The following PDGFC variants were observed in gnomAD, a reference collection of about 807,000 sequenced individuals.
PDGFC encodes the protein platelet-derived growth factor C.
In PDGFC, 12 loss-of-function variants were observed where a neutral mutation model predicts 35.5. The observed-to-expected ratio is 0.34, with a 90% CI of 0.22 to 0.55. PDGFC has a LOEUF of 0.55. Among genes scored for constraint, PDGFC ranks in the 20% least tolerant of loss-of-function variants. PDGFC has a pLI of 0.91. For synonymous variants in PDGFC, 159 were observed against 148.8 expected (o/e 1.07, Z -0.50); for missense variants, 322 against 412.4 (o/e 0.78, Z 1.90).
At chr4:156,834,768 C>A (rs1331598800) in intron 2 of PDGFC, among the ~76,000 whole-genome samples, 1 of 152,062 alleles carries the variant, frequency 6.6e-6, no homozygotes, top group African/African-American at 2.4e-5. Flanking sequence ...GGAAAAAAAT[C>A]TCTGGGCACT....
chr4:156,840,093 A>G (rs1043542446), intron 2 of PDGFC, among the ~76,000 whole-genome samples: 1 of 152,244 alleles, frequency 6.6e-6, no homozygotes, highest in African/African-American at 2.4e-5. Context: ...CAAGCCAGCT[A>G]CAGCAATTTG....
intron 1 of PDGFC, among the ~76,000 whole-genome samples, chr4:156,960,893 T>C (rs1214538678): frequency 1.3e-5 from 2 of 152,108 alleles, no homozygotes; most frequent in Non-Finnish European, 2.9e-5. Context: ...TAATCATTAC[T>C]GTGTTTTTCC....
At chr4:156,802,261 A>C (rs761781567) in intron 3 of PDGFC, among the ~76,000 whole-genome samples, 7 of 152,130 alleles carry the variant, frequency 4.6e-5, no homozygotes, top group Non-Finnish European at 8.8e-5. Context: ...TACACCCTTA[A>C]GGCCAAAGAA....
intron 1 of PDGFC, among the ~76,000 whole-genome samples, chr4:156,964,824 C>T (rs1470222461): frequency 2.0e-5 from 3 of 152,138 alleles, no homozygotes; most frequent in Non-Finnish European, 4.4e-5. Flanking sequence ...GTCTTTCCAA[C>T]TCTAACATTC....
chr4:156,971,736 C>T lies in PDGFC; in HGVS notation c.-833G>A, dbSNP rs567532692. ...GCGGGGCTCCGGTTGTTCCCCGTCC[C>T]CTCCCCCCACGCCTCGGGCTCCGCG... On this transcript the variant is annotated 5_prime_UTR_variant, in exon 1 of 6. Coordinates refer to ENST00000502773, the MANE Select transcript of PDGFC (RefSeq NM_016205.3). Among the ~76,000 whole-genome samples, 917 of 152,024 alleles carry T rather than the reference C, an allele frequency of 6.0e-3. 8 individuals carry two copies. The highest frequency in any genetic ancestry group is 0.014 in the Middle Eastern group (4 of 294).
intron 1 of PDGFC, among the ~76,000 whole-genome samples, chr4:156,904,102 A>G (rs1202513185): frequency 6.6e-6 from 1 of 152,138 alleles, no homozygotes; most frequent in African/African-American, 2.4e-5. Flanking sequence ...ATTACAGCAT[A>G]CAATTTACAG....
chr4:156,940,402 T>G (rs2110904962), intron 1 of PDGFC, among the ~76,000 whole-genome samples: 1 of 152,234 alleles, frequency 6.6e-6, no homozygotes, highest in South Asian at 2.1e-4. Context: ...TTTTATCTAT[T>G]TACTCAATAA....
intron 1 of PDGFC, among the ~76,000 whole-genome samples, chr4:156,915,614 G>T (rs1731140633): frequency 6.6e-6 from 1 of 152,056 alleles, no homozygotes; most frequent in African/African-American, 2.4e-5. Flanking sequence ...CCAACATTGT[G>T]AAAACTCATT....
At chr4:156,920,866 G>A (rs564625582) in intron 1 of PDGFC, among the ~76,000 whole-genome samples, 3 of 152,252 alleles carry the variant, frequency 2.0e-5, no homozygotes, top group Non-Finnish European at 2.9e-5. Flanking sequence ...CAACAATTTT[G>A]AATATGCCAA....
chr4:156,811,634 T>C (rs1344299921), intron 2 of PDGFC, among the ~76,000 whole-genome samples: 1 of 152,142 alleles, frequency 6.6e-6, no homozygotes, highest in African/African-American at 2.4e-5. Flanking sequence ...TCTTAGGCTG[T>C]TAATCCTTGA....
At chr4:156,969,037 C>T (rs1732529061) in intron 1 of PDGFC, among the ~76,000 whole-genome samples, 1 of 152,018 alleles carries the variant, frequency 6.6e-6, no homozygotes, top group Non-Finnish European at 1.5e-5. Context: ...AAGGAAAGGA[C>T]AAAGAGAAGC....
chr4:156,795,262 TA>T (rs1266628848), intron 3 of PDGFC, among the ~76,000 whole-genome samples: 1 of 152,136 alleles, frequency 6.6e-6, no homozygotes, highest in African/African-American at 2.4e-5. Flanking sequence ...TGAGTTACTA[TA>T]AAAAACTGCT....
At position 156,826,184 on chromosome 4, in the gene PDGFC, T is replaced by A. The variant is rs1368894116; in HGVS notation, c.315-15167A>T. Among the ~76,000 whole-genome samples, 5 of 99,290 alleles carry A rather than the reference T, an allele frequency of 5.0e-5. No individual in the cohort carries two copies. In the East Asian group the frequency reaches 1.5e-3, roughly 30 times the overall value. The allele number at this position is 99,290 out of a possible 152,430, so 65.1% of individuals were successfully genotyped here. Reference sequence around the variant, plus strand: ...CCAGCTTTGAGTTGGATTTTTTTTTTTTTTTTTTTTTTTTTTTTTTTTTTT... The same window carrying A: ...CCAGCTTTGAGTTGGATTTTTTTTTATTTTTTTTTTTTTTTTTTTTTTTTT... On this transcript the variant is annotated intron_variant, in intron 2 of 5. Transcript: ENST00000502773.
At chr4:156,886,864 G>A (rs1730388740) in intron 1 of PDGFC, 1 of 152,236 alleles carries the variant, frequency 6.6e-6, no homozygotes. Context: ...CTAACCTGGT[G>A]ATGATGCCAC....
At chr4:156,864,904 G>A (rs181822898) in intron 1 of PDGFC, among the ~76,000 whole-genome samples, 104 of 152,186 alleles carry the variant, frequency 6.8e-4, no homozygotes, top group Non-Finnish European at 2.8e-4. Context: ...AGTTACGTTT[G>A]ATCCTTTTAA....
chr4:156,782,308 C>A (rs1183492758), intron 3 of PDGFC, among the ~76,000 whole-genome samples: 1 of 152,072 alleles, frequency 6.6e-6, no homozygotes. Flanking sequence ...CCTATAAAAT[C>A]TTTATATGAA....
chr4:156,849,426 C>G (rs1729400537), intron 2 of PDGFC, among the ~76,000 whole-genome samples: 1 of 151,990 alleles, frequency 6.6e-6, no homozygotes, highest in Non-Finnish European at 1.5e-5. Flanking sequence ...TCTCTTTTAA[C>G]TTGTATATCA....
rs560506605 is a variant in PDGFC at position 156,781,167 on chromosome 4, C to T, written c.496-8274G>A. Among the ~76,000 whole-genome samples, 5 of 152,240 alleles carry T rather than the reference C, an allele frequency of 3.3e-5. No homozygotes were observed. The South Asian group carries it at 6.2e-4, about 19-fold the overall frequency. On this transcript the variant is annotated intron_variant, in intron 3 of 5. Transcript: ENST00000502773. ...AAATGCCAATTCCGTAATTTGCAGT[C>T]GTACTTTGCTCCTCTCTTTTCTGTG...
chr4:156,940,638 T>A (rs563333085), intron 1 of PDGFC, among the ~76,000 whole-genome samples: 1 of 152,256 alleles, frequency 6.6e-6, no homozygotes, highest in Non-Finnish European at 1.5e-5. Flanking sequence ...TCTGGGAATT[T>A]CTGGGTGTCT....
Sources: allele counts gnomAD v4.1 joint callset (sites outside exome capture counted in the v4.1 genomes callset), GRCh38; gene constraint gnomAD v4.1.1; transcripts MANE v1.5; gene names NCBI Gene and HGNC (gene_info 2026-07-23, HGNC 2026-07-21).